MIS18BP1: variants seen among roughly 807,000 people sequenced by gnomAD.
The protein encoded by MIS18BP1 is MIS18 binding protein 1, also known as mis18-binding protein 1.
In MIS18BP1, 72 loss-of-function variants were observed where a neutral mutation model predicts 116.1. That is an observed-to-expected ratio of 0.62 (90% CI 0.51 to 0.75). MIS18BP1 has a LOEUF of 0.75. Among genes scored for constraint, MIS18BP1 ranks in the 30% least tolerant of loss-of-function variants. The pLI is 0.00. For synonymous variants in MIS18BP1, 386 were observed against 427.0 expected (o/e 0.90, Z 1.18); for missense variants, 1,363 against 1,303.2 (o/e 1.05, Z -0.71).
At chr14:45,244,487 C>A (rs1891673567) in intron 2 of MIS18BP1, among the ~76,000 whole-genome samples, 2 of 152,256 alleles carry the variant, frequency 1.3e-5, no homozygotes, top group African/African-American at 4.8e-5. Context: ...CATTATGACT[C>A]CTTCACACAC....
At chr14:45,230,606 TAA>T (rs1224141476) in intron 8 of MIS18BP1, among the ~76,000 whole-genome samples, 1 of 152,160 alleles carries the variant, frequency 6.6e-6, no homozygotes, top group Admixed American at 6.5e-5. Context: ...TTCTGATTAA[TAA>T]AAAGGTAATT....
chr14:45,217,153 G>C lies in MIS18BP1; in HGVS notation c.2869C>G (p.Gln957Glu). ...ACTTTGGCAGTTATCTTAATAGTTT[G>C]TTTCTGATCAGCATCACCTCTCTTG... Reference protein sequence around the residue: ...NGKRGDADQKQTIKITAKVGT... With the variant: ...NGKRGDADQKETIKITAKVGT... The change falls in exon 13 of 17, where the codon CAA becomes GAA. Residue 957 changes from glutamine (Q) to glutamate (E), a missense_variant. By Grantham distance (29) the Gln-to-Glu change is conservative. Transcript: ENST00000310806. 4 of 1,614,020 alleles carry C rather than the reference G, an allele frequency of 2.5e-6. No individual in the cohort carries two copies. The South Asian group carries it at 4.4e-5, about 18-fold the overall frequency.
intron 1 of MIS18BP1, among the ~76,000 whole-genome samples, chr14:45,251,906 T>TTCTA (rs1891884597): frequency 6.6e-6 from 1 of 152,244 alleles, no homozygotes; most frequent in African/African-American, 2.4e-5. Flanking sequence ...GAAATTCCAC[T>TTCTA]TCTAACTTGT....
chr14:45,205,208 T>C (rs927703800), intron 15 of MIS18BP1, among the ~76,000 whole-genome samples: 1 of 152,158 alleles, frequency 6.6e-6, no homozygotes, highest in Admixed American at 6.5e-5. Context: ...TTTTCTGAGA[T>C]GAGGTAAAAC....
In MIS18BP1 at chr14:45,242,805, T is replaced by C; in HGVS notation, c.614A>G (p.Gln205Arg). 2.5e-6 allele frequency: 4 copies of C among 1,613,682 alleles called. No homozygotes were observed. The highest frequency in any genetic ancestry group is 3.4e-6 in the Non-Finnish European group (4 of 1,179,760). Reference sequence around the variant, plus strand: ...TGGTGCTTTCTTTTCCTGCTGGCACTGAATCTTTTGTTTGACCGGGAGGAA... The same window carrying C: ...TGGTGCTTTCTTTTCCTGCTGGCACCGAATCTTTTGTTTGACCGGGAGGAA... The part of the protein sequence containing the change: ...DIFLPVKQKI[Q>R]CQQEKKAPLH... Residue 205 changes from glutamine to arginine, a missense_variant, in exon 3 of 17, where the codon CAG becomes CGG. By Grantham distance (43) the Gln-to-Arg change is conservative. Transcript: ENST00000310806.
At chr14:45,229,936 T>A (rs961158501) in intron 8 of MIS18BP1, among the ~76,000 whole-genome samples, 1 of 152,208 alleles carries the variant, frequency 6.6e-6, no homozygotes, top group Admixed American at 6.5e-5. Flanking sequence ...TAAGTGACTT[T>A]TTGCTAGCTC....
At chr14:45,251,659 G>T (rs1375387251) in intron 1 of MIS18BP1, among the ~76,000 whole-genome samples, 1 of 151,682 alleles carries the variant, frequency 6.6e-6, no homozygotes, top group Non-Finnish European at 1.5e-5. Context: ...ATATGACAAA[G>T]GGCTAATTTA....
At chr14:45,239,971 G>A (rs1343984888) in intron 4 of MIS18BP1, among the ~76,000 whole-genome samples, 1 of 152,078 alleles carries the variant, frequency 6.6e-6, no homozygotes, top group Non-Finnish European at 1.5e-5. Context: ...GAGAAGGTAT[G>A]GTAAAGAAAT....
intron 12 of MIS18BP1, among the ~76,000 whole-genome samples, chr14:45,217,774 T>A (rs995900187): frequency 6.6e-6 from 1 of 152,132 alleles, no homozygotes; most frequent in African/African-American, 2.4e-5. Flanking sequence ...TGCCTCTACA[T>A]TGCCTCTTGC....
chr14:45,224,789 T>A, intron 10 of MIS18BP1, 43 bp from the exon 11 acceptor site: 1 of 1,351,802 alleles, frequency 7.4e-7, no homozygotes. Context: ...AATCTCAAAT[T>A]AGCTATAAAC....
chr14:45,249,591 C>T (rs896294165), intron 1 of MIS18BP1, among the ~76,000 whole-genome samples: 2 of 152,332 alleles, frequency 1.3e-5, no homozygotes, highest in East Asian at 3.9e-4. Context: ...ATAAACTCGG[C>T]TGAGCACAGT....
Position 45,204,094 on chromosome 14 carries a change from T to C in MIS18BP1, c.*15A>G, listed in dbSNP as rs1594492843. 9 of 1,605,392 alleles carry C rather than the reference T, an allele frequency of 5.6e-6. No individual in the cohort carries two copies. Among genetic ancestry groups the C allele is most frequent in the Non-Finnish European group, 6.8e-6 (8 of 1,177,234 alleles). On this transcript the variant is annotated 3_prime_UTR_variant, in exon 17 of 17. Coordinates refer to ENST00000310806, the MANE Select transcript of MIS18BP1 (RefSeq NM_018353.5). ...TTTATGGTAAAAATCCCAGGAATCA[T>C]ATTTTCTCATTTTACTATGCAGAAT...
intron 13 of MIS18BP1, among the ~76,000 whole-genome samples, chr14:45,213,402 A>G (rs1261125031): frequency 2.0e-5 from 3 of 152,244 alleles, no homozygotes; most frequent in Non-Finnish European, 4.4e-5. Context: ...TTTAAGGTCA[A>G]GGAACAAGGA....
At chr14:45,228,266 C>T (rs1358509474) in intron 8 of MIS18BP1, among the ~76,000 whole-genome samples, 4 of 152,144 alleles carry the variant, frequency 2.6e-5, no homozygotes, top group African/African-American at 7.2e-5. Context: ...CTCTGTATAG[C>T]GCTACGCTAC....
chr14:45,237,414 T>C (rs986740981), intron 5 of MIS18BP1, among the ~76,000 whole-genome samples: 4 of 152,150 alleles, frequency 2.6e-5, no homozygotes, highest in African/African-American at 7.2e-5. Flanking sequence ...TAAACCACTA[T>C]ACAAATTTGA....
At position 45,242,185 on chromosome 14, in the gene MIS18BP1, C is replaced by T; in HGVS notation, c.992G>A (p.Gly331Asp). 2 of 1,614,040 alleles carry T rather than the reference C, an allele frequency of 1.2e-6. No homozygotes were observed. The highest frequency in any genetic ancestry group is 1.7e-6 in the Non-Finnish European group (2 of 1,179,974). ...TGTATCTTTCATGGAACCTGGAAGA[C>T]CTGTCTCTCCAGGCACTGTTTTTCC... is the stretch of plus-strand genomic sequence containing the variant. Reference protein sequence around the residue: ...GNGKTVPGETGLPGSMKDTCK... With the variant: ...GNGKTVPGETDLPGSMKDTCK... The change falls in exon 4 of 17, where the codon GGT (glycine) becomes GAT (aspartate). Residue 331 changes from glycine (G) to aspartate (D), a missense_variant. By Grantham distance (94) the Gly-to-Asp change is moderately conservative. Transcript: ENST00000310806.
chr14:45,206,016 A>G, intron 15 of MIS18BP1, 67 bp downstream of exon 15: 2 of 1,035,974 alleles, frequency 1.9e-6, no homozygotes, highest in Non-Finnish European at 2.9e-6. Flanking sequence ...ATGACTTACA[A>G]CTACCACAGT....
intron 1 of MIS18BP1, among the ~76,000 whole-genome samples, chr14:45,251,232 C>G (rs376426097): frequency 1.3e-5 from 2 of 151,970 alleles, no homozygotes; most frequent in South Asian, 2.1e-4. Flanking sequence ...TGTGTTACAA[C>G]TGCCAACAGT....
chr14:45,231,314 T>C lies in MIS18BP1; in HGVS notation c.1437-16A>G. 6.4e-7 allele frequency: 1 copy of C among 1,564,446 alleles called. No homozygotes were observed. The highest frequency in any genetic ancestry group is 8.6e-7 in the Non-Finnish European group (1 of 1,159,090). On this transcript the variant is annotated splice_polypyrimidine_tract_variant and intron_variant, in intron 7 of 16. Transcript: ENST00000310806. ...TTCACCAGCCCTTTAAAAACAATTA[T>C]TTTATTTTTCCTTAATACTGATTCT...
Sources: allele counts gnomAD v4.1 joint callset (sites outside exome capture counted in the v4.1 genomes callset), GRCh38; gene constraint gnomAD v4.1.1; transcripts MANE v1.5; gene names NCBI Gene and HGNC (gene_info 2026-07-23, HGNC 2026-07-21).